The following EML4 variants were observed in gnomAD, a reference collection of about 807,000 sequenced individuals.
The protein encoded by EML4 is EMAP like 4, also known as echinoderm microtubule-associated protein-like 4.
A neutral mutation model predicts 129.0 loss-of-function variants in EML4; 72 were observed. The ratio of observed to expected loss-of-function variants is 0.56; its 90% CI spans 0.46 to 0.68. The LOEUF (loss-of-function observed/expected upper bound fraction) is 0.68. Among genes scored for constraint, EML4 ranks in the 30% least tolerant of loss-of-function variants. The probability of loss-of-function intolerance (pLI) is 0.00; values close to 1 mark genes in which losing one functional copy is unlikely to be tolerated. For synonymous variants in EML4, 532 were observed against 405.0 expected, an observed-to-expected ratio of 1.31 and a Z score of -3.77; for missense variants, 1,363 against 1,190.6, an observed-to-expected ratio of 1.14 and a Z score of -2.13.
intron 6 of EML4, among the ~76,000 whole-genome samples, chr2:42,272,981 A>T (rs1436047108): frequency 6.6e-6 from 1 of 152,174 alleles, no homozygotes; most frequent in Non-Finnish European, 1.5e-5. Flanking sequence ...ATTTTTATAT[A>T]CAGGTTTTTA....
At chr2:42,293,013 T>C (rs1021883127) in intron 11 of EML4, among the ~76,000 whole-genome samples, 6 of 152,200 alleles carry the variant, frequency 3.9e-5, no homozygotes, top group Admixed American at 2.0e-4. Flanking sequence ...TCTTTAAACT[T>C]TACTTAGACT....
At chr2:42,270,154 G>A (rs920494799) in intron 6 of EML4, among the ~76,000 whole-genome samples, 1 of 152,170 alleles carries the variant, frequency 6.6e-6, no homozygotes, top group Non-Finnish European at 1.5e-5. Context: ...ATATCACTAA[G>A]GTCTTTTTGG....
At chr2:42,239,241 C>G (rs942457464) in intron 1 of EML4, among the ~76,000 whole-genome samples, 25 of 152,090 alleles carry the variant, frequency 1.6e-4, no homozygotes, top group African/African-American at 5.8e-4. Context: ...GATATAAAAT[C>G]GGTAAAATCC....
At chr2:42,242,997 C>T (rs1286583644) in intron 1 of EML4, among the ~76,000 whole-genome samples, 1 of 152,014 alleles carries the variant, frequency 6.6e-6, no homozygotes, top group Non-Finnish European at 1.5e-5. Context: ...AGGCTGGTCT[C>T]GAACTCCTGG....
chr2:42,301,364 A>G lies in EML4; in HGVS notation c.1613A>G (p.His538Arg), dbSNP rs766300160. The change falls in exon 14 of 23, where the codon CAT becomes CGT. Residue 538 changes from histidine (H) to arginine (R), a missense_variant. Transcript: ENST00000318522. ...GKDRKIILWD[H>R]DLNPEREIEV... ...GACAGAAAAATAATTCTGTGGGATC[A>G]TGATCTGAATCCTGAAAGAGAAATA... 119 of 1,612,890 alleles carry G rather than the reference A, an allele frequency of 7.4e-5. 2 individuals carry two copies. Among genetic ancestry groups the G allele is most frequent in the South Asian group, 5.8e-4 (53 of 90,874 alleles).
At position 42,284,718 on chromosome 2, in the gene EML4, G is replaced by A; in HGVS notation, c.1011+15G>A. On this transcript the variant is annotated intron_variant, in intron 9 of 22. Transcript: ENST00000318522. ...AAGATGGAAGGGTGAGTGGCATAGT[G>A]TTATGCCTTCTGTACCTAGAGACAT... 3.8e-6 allele frequency: 6 copies of A among 1,590,874 alleles called. No homozygotes were observed. Among genetic ancestry groups the A allele is most frequent in the South Asian group, 1.1e-5 (1 of 89,552 alleles).
chr2:42,292,007 A>G (rs564677675), intron 11 of EML4, among the ~76,000 whole-genome samples: 3 of 152,340 alleles, frequency 2.0e-5, no homozygotes, highest in Non-Finnish European at 2.9e-5. Context: ...TGAGGAGGCA[A>G]AGTAACTGGA....
chr2:42,292,024 A>T (rs1386832993), intron 11 of EML4, among the ~76,000 whole-genome samples: 2 of 152,228 alleles, frequency 1.3e-5, no homozygotes, highest in Non-Finnish European at 2.9e-5. Context: ...TGGAACTCTC[A>T]CACAGTGCTG....
At chr2:42,195,757 G>A (rs1245247583) in intron 1 of EML4, among the ~76,000 whole-genome samples, 1 of 152,102 alleles carries the variant, frequency 6.6e-6, no homozygotes, top group African/African-American at 2.4e-5. Context: ...CATTTTTCAA[G>A]GAGCTTTATT....
intron 1 of EML4, 93 bp downstream of exon 1, chr2:42,169,729 C>T: frequency 7.0e-7 from 1 of 1,431,926 alleles, no homozygotes; most frequent in South Asian, 1.2e-5. Context: ...CCGCCTGCCC[C>T]TCGGGGTGGC....
intron 19 of EML4, among the ~76,000 whole-genome samples, chr2:42,323,868 C>G (rs1669650227): frequency 6.6e-6 from 1 of 151,348 alleles, no homozygotes; most frequent in African/African-American, 2.4e-5. Flanking sequence ...CACTTGAACC[C>G]AGGAGGCGGA....
chr2:42,197,429 T>C (rs985539814), intron 1 of EML4, among the ~76,000 whole-genome samples: 2 of 152,040 alleles, frequency 1.3e-5, no homozygotes, highest in Non-Finnish European at 2.9e-5. Context: ...AAGATAGATA[T>C]AGGCAATAAA....
intron 1 of EML4, among the ~76,000 whole-genome samples, chr2:42,206,233 A>C (rs966748467): frequency 6.6e-6 from 1 of 152,132 alleles, no homozygotes; most frequent in Non-Finnish European, 1.5e-5. Context: ...TATTTTTTAG[A>C]GACAGGGTCT....
intron 14 of EML4, among the ~76,000 whole-genome samples, chr2:42,301,724 A>G (rs1200538511): frequency 3.3e-5 from 5 of 151,878 alleles, no homozygotes; most frequent in African/African-American, 1.2e-4. Context: ...TACGTGTAGC[A>G]TTCTTTCCAG....
At chr2:42,278,934 TG>T (rs1222886289) in intron 6 of EML4, among the ~76,000 whole-genome samples, 1 of 88,688 alleles carries the variant, frequency 1.1e-5, no homozygotes. Flanking sequence ...GAAACTCTCT[TG>T]GAAAAAAAAA....
intron 2 of EML4, among the ~76,000 whole-genome samples, chr2:42,246,221 C>T (rs1675393326): frequency 6.6e-6 from 1 of 152,152 alleles, no homozygotes; most frequent in Non-Finnish European, 1.5e-5. Flanking sequence ...TTGAGACAAA[C>T]AGTCGTCAAG....
intron 1 of EML4, among the ~76,000 whole-genome samples, chr2:42,222,789 T>TTGTTA (rs1332328636): frequency 3.3e-5 from 5 of 150,858 alleles, no homozygotes; most frequent in African/African-American, 4.9e-5. Context: ...GTTCTTTTGT[T>TTGTTA]TGTTTTGTTT....
At chr2:42,233,808 G>A (rs1674497648) in intron 1 of EML4, among the ~76,000 whole-genome samples, 1 of 152,060 alleles carries the variant, frequency 6.6e-6, no homozygotes, top group African/African-American at 2.4e-5. Context: ...AATTCATGTG[G>A]ATTTCATTGT....
At chr2:42,211,609 G>A (rs1225445881) in intron 1 of EML4, among the ~76,000 whole-genome samples, 1 of 152,204 alleles carries the variant, frequency 6.6e-6, no homozygotes, top group East Asian at 1.9e-4. Context: ...TAAACCTGCA[G>A]ATAAAATGTC....
Sources: gnomAD v4.1 joint callset for allele counts (sites outside exome capture counted in the v4.1 genomes callset) on GRCh38, gnomAD v4.1.1 for gene constraint, MANE v1.5 for transcripts, NCBI Gene and HGNC (gene_info 2026-07-23, HGNC 2026-07-21) for gene names.